Variants in COL13A1 observed in about 807,000 individuals in gnomAD.
COL13A1 encodes the protein collagen alpha-1(XIII) chain.
Under a neutral mutation model 130.9 loss-of-function variants are expected in COL13A1, and 89 were observed. The observed-to-expected ratio is 0.68, with a 90% CI of 0.57 to 0.81. COL13A1 has a LOEUF of 0.81. Ranked by LOEUF, COL13A1 falls within the 30% of genes least tolerant of loss-of-function variation. COL13A1 has a pLI of 0.00. For missense variants in COL13A1, 879 were observed against 934.6 expected, an observed-to-expected ratio of 0.94 and a Z score of 0.78; for synonymous variants, 402 against 341.6, an observed-to-expected ratio of 1.18 and a Z score of -1.95.
intron 19 of COL13A1, 54 bp downstream of exon 19, chr10:69,918,371 C>A: frequency 6.3e-7 from 1 of 1,577,448 alleles, no homozygotes; most frequent in Non-Finnish European, 8.7e-7. Context: ...GAGAAGAGAG[C>A]GGGCAGAGCT....
intron 14 of COL13A1, 146 bp from the exon 15 acceptor site, chr10:69,902,602 C>G: frequency 1.7e-6 from 1 of 595,198 alleles, no homozygotes; most frequent in Non-Finnish European, 2.9e-6. Context: ...AGCATCATCA[C>G]CATCATGCCA....
At chr10:69,955,477 G>C (rs898161857) in intron 39 of COL13A1, 1 of 152,372 alleles carries the variant, frequency 6.6e-6, no homozygotes, top group African/African-American at 2.4e-5. Context: ...CAGCTGCCTT[G>C]GCCTCTCTGT....
intron 2 of COL13A1, among the ~76,000 whole-genome samples, chr10:69,837,227 A>C (rs1850332845): frequency 6.6e-6 from 1 of 152,232 alleles, no homozygotes; most frequent in Admixed American, 6.5e-5. Context: ...AGGCCCCATC[A>C]GCATCCCATG....
At chr10:69,915,873 A>T (rs2063865020) in intron 17 of COL13A1, among the ~76,000 whole-genome samples, 1 of 152,240 alleles carries the variant, frequency 6.6e-6, no homozygotes, top group South Asian at 2.1e-4. Flanking sequence ...AACTAGCAGG[A>T]CACAGAAACT....
chr10:69,937,148 A>T (rs550244590), intron 33 of COL13A1, among the ~76,000 whole-genome samples: 1 of 152,310 alleles, frequency 6.6e-6, no homozygotes, highest in Non-Finnish European at 1.5e-5. Context: ...GGGACTCTGC[A>T]CTGGGCTCTC....
chr10:69,868,506 G>A (rs1157648427), intron 3 of COL13A1, among the ~76,000 whole-genome samples: 1 of 152,220 alleles, frequency 6.6e-6, no homozygotes, highest in East Asian at 1.9e-4. Flanking sequence ...TGGATCCAGA[G>A]AACAGGAGCA....
rs377122948 is a variant in COL13A1 at position 69,928,954 on chromosome 10, T to C, written c.1440T>C (p.Pro480=). 7 of 1,613,390 alleles carry C rather than the reference T, an allele frequency of 4.3e-6. No homozygotes were observed. Among genetic ancestry groups the C allele is most frequent in the Non-Finnish European group, 5.1e-6 (6 of 1,179,610 alleles). The change falls in exon 28 of 41, where the codon CCT becomes CCC. Residue 480 remains proline (P), a synonymous_variant. Transcript: ENST00000645393. ...TLALMGPPGL[P]GQIGPPGAPG... is the part of the protein sequence containing the mutation. ...TCTCCTAGGGGCCTCCTGGTCTTCC[T>C]GGGCAAATTGGCCCACCTGGAGCTC...
chr10:69,901,952 T>C lies in COL13A1; in HGVS notation c.751-796T>C, dbSNP rs150281742. ...ACTTCCACACAGCTTCCAAACTCTT[T>C]CAATGAAACCAAAGATTGCAGGCTC... On this transcript the variant is annotated intron_variant, in intron 14 of 40. Coordinates refer to ENST00000645393, the MANE Select transcript of COL13A1 (RefSeq NM_001368882.1). Among the ~76,000 whole-genome samples, 485 of 152,178 alleles carry C rather than the reference T, an allele frequency of 3.2e-3. 1 individual carries two copies. Among genetic ancestry groups the C allele is most frequent in the African/African-American group, 0.011 (454 of 41,514 alleles).
At chr10:69,841,072 C>T (rs1241931468) in intron 2 of COL13A1, among the ~76,000 whole-genome samples, 1 of 151,966 alleles carries the variant, frequency 6.6e-6, no homozygotes, top group Non-Finnish European at 1.5e-5. Flanking sequence ...CACTGCCCCC[C>T]TGCCCCACTT....
intron 14 of COL13A1, among the ~76,000 whole-genome samples, chr10:69,899,287 G>T (rs117883348): frequency 0.025 from 3,822 of 152,308 alleles, 77 homozygotes; most frequent in South Asian, 0.077. Context: ...GGTTGTTGTT[G>T]ATATGTAAAG....
chr10:69,839,294 A>G (rs1850941894), intron 2 of COL13A1, among the ~76,000 whole-genome samples: 1 of 152,238 alleles, frequency 6.6e-6, no homozygotes, highest in African/African-American at 2.4e-5. Flanking sequence ...TCCTGCTTCC[A>G]GTGTAATGAG....
rs562193911 is a variant in COL13A1, at chr10:69,845,053, C to G, written c.364+22615C>G. On this transcript the variant is annotated intron_variant, in intron 2 of 40. Coordinates refer to ENST00000645393, the MANE Select transcript of COL13A1 (RefSeq NM_001368882.1). ...TGTACTTAACTAGTTATAGGATTCT[C>G]TATCCTATAGAGACAAACAAAACCC... Among the ~76,000 whole-genome samples the G allele has an allele frequency of 6.6e-5, 10 of 152,278 alleles. No individual in the cohort carries two copies. The South Asian group carries it at 2.1e-3, about 32-fold the overall frequency.
chr10:69,832,277 G>T (rs1849001217), intron 2 of COL13A1, among the ~76,000 whole-genome samples: 1 of 152,196 alleles, frequency 6.6e-6, no homozygotes, highest in Admixed American at 6.5e-5. Context: ...TGGGTGAAAG[G>T]TATACCCACC....
intron 2 of COL13A1, among the ~76,000 whole-genome samples, chr10:69,854,835 A>G: frequency 6.6e-6 from 1 of 152,132 alleles, no homozygotes; most frequent in East Asian, 1.9e-4. Flanking sequence ...TCCAGAATAG[A>G]CAGGTACTCA....
chr10:69,916,289 T>A (rs1229470212), intron 17 of COL13A1, among the ~76,000 whole-genome samples: 1 of 152,188 alleles, frequency 6.6e-6, no homozygotes, highest in Non-Finnish European at 1.5e-5. Flanking sequence ...ATTGTCACAC[T>A]CTGTGTTGCC....
chr10:69,878,248 C>G (rs1214233533), intron 6 of COL13A1, among the ~76,000 whole-genome samples, 183 bp downstream of exon 6: 2 of 152,230 alleles, frequency 1.3e-5, no homozygotes, highest in Non-Finnish European at 2.9e-5. Context: ...GGGCAGCAGT[C>G]TTGGGATTCC....
At chr10:69,928,806 C>T (rs2065718889) in intron 27 of COL13A1, 131 bp from the exon 28 acceptor site, 1 of 580,872 alleles carries the variant, frequency 1.7e-6, no homozygotes, top group Non-Finnish European at 3.0e-6. Context: ...GCAAAAAATG[C>T]ATCTCTATCA....
At chr10:69,893,215 G>A (rs114349285) in intron 10 of COL13A1, among the ~76,000 whole-genome samples, 6,373 of 152,300 alleles carry the variant, frequency 0.042, 162 homozygotes, top group South Asian at 0.079. Context: ...AGCCAAGCAC[G>A]GTAGTGTGTG....
intron 2 of COL13A1, among the ~76,000 whole-genome samples, chr10:69,844,744 A>T (rs538011600): frequency 5.3e-4 from 80 of 152,338 alleles, no homozygotes; most frequent in African/African-American, 1.9e-3. Context: ...TTGGCCCGTC[A>T]TACCTCACCT....
Sources: allele counts gnomAD v4.1 joint callset (sites outside exome capture counted in the v4.1 genomes callset), GRCh38; gene constraint gnomAD v4.1.1; transcripts MANE v1.5; gene names NCBI Gene and HGNC (gene_info 2026-07-23, HGNC 2026-07-21).